ARL9: variants seen among roughly 807,000 people sequenced by gnomAD.
ARL9 encodes ARF like GTPase 9, also known as ADP-ribosylation factor-like protein 9.
ARL9 carries 14 observed loss-of-function variants against 27.0 expected under a neutral mutation model. The ratio of observed to expected loss-of-function variants is 0.52; its 90% CI spans 0.34 to 0.81. The LOEUF (loss-of-function observed/expected upper bound fraction) is 0.81. ARL9 is among the 30% of genes least tolerant of loss of function. The pLI is 0.01. For synonymous variants in ARL9, 106 were observed against 108.7 expected (o/e 0.98, Z 0.15); for missense variants, 294 against 290.0 (o/e 1.01, Z -0.10).
At chr4:56,516,771 A>T (rs1721778919) in intron 2 of ARL9, among the ~76,000 whole-genome samples, 1 of 152,002 alleles carries the variant, frequency 6.6e-6, no homozygotes, top group Non-Finnish European at 1.5e-5. Context: ...CTCTACAGAA[A>T]ATACAAAATT....
At chr4:56,506,987 A>T (rs908926075) in intron 1 of ARL9, among the ~76,000 whole-genome samples, 3 of 152,010 alleles carry the variant, frequency 2.0e-5, no homozygotes, top group Non-Finnish European at 4.4e-5. Flanking sequence ...GCAGAGCTGG[A>T]GTTTCGCCAT....
chr4:56,518,519 C>T (rs1721826650), intron 2 of ARL9, among the ~76,000 whole-genome samples, 159 bp from the exon 3 acceptor site: 1 of 152,150 alleles, frequency 6.6e-6, no homozygotes, highest in Admixed American at 6.6e-5. Flanking sequence ...GCTAACATGC[C>T]TCTGGTCACT....
At chr4:56,520,737 A>T (rs982540008) in intron 3 of ARL9, among the ~76,000 whole-genome samples, 1 of 152,210 alleles carries the variant, frequency 6.6e-6, no homozygotes, top group Non-Finnish European at 1.5e-5. Flanking sequence ...TCCCTTTCTC[A>T]ATTGTTAGGT....
chr4:56,510,486 A>G (rs1022843419), intron 1 of ARL9, among the ~76,000 whole-genome samples: 1 of 152,290 alleles, frequency 6.6e-6, no homozygotes, highest in Admixed American at 6.5e-5. Flanking sequence ...CACAGTCAAT[A>G]CATGCACCAC....
intron 3 of ARL9, among the ~76,000 whole-genome samples, chr4:56,522,054 C>T (rs147804135): frequency 5.4e-5 from 8 of 149,092 alleles, no homozygotes; most frequent in African/African-American, 1.5e-4. Flanking sequence ...GGTGTGATCT[C>T]GGCTCACTGC....
intron 3 of ARL9, among the ~76,000 whole-genome samples, chr4:56,521,268 G>A (rs1198675276): frequency 2.0e-5 from 3 of 151,656 alleles, no homozygotes; most frequent in Non-Finnish European, 4.4e-5. Flanking sequence ...TTTAAGTGGA[G>A]CATCTTAAGT....
chr4:56,510,382 G>A (rs930922207), intron 1 of ARL9, among the ~76,000 whole-genome samples: 6 of 149,340 alleles, frequency 4.0e-5, no homozygotes, highest in Non-Finnish European at 7.4e-5. Flanking sequence ...GTATAAGAGG[G>A]AAACCTTGCC....
At chr4:56,521,134 C>T (rs1002362855) in intron 3 of ARL9, among the ~76,000 whole-genome samples, 1 of 151,722 alleles carries the variant, frequency 6.6e-6, no homozygotes, top group South Asian at 2.1e-4. Context: ...TCACTTGAAC[C>T]CGGGAGGTGG....
intron 2 of ARL9, 90 bp from the exon 3 acceptor site, chr4:56,518,588 C>A: frequency 8.7e-7 from 1 of 1,152,276 alleles, no homozygotes; most frequent in Admixed American, 2.1e-5. Context: ...GTCCTGTGTT[C>A]AGAAATCTAG....
upstream of ARL9, chr4:56,505,736 C>A: frequency 1.4e-6 from 2 of 1,390,182 alleles, no homozygotes; most frequent in Non-Finnish European, 1.9e-6. Flanking sequence ...GCAGCGCCCG[C>A]GGGTTGTCTA....
At position 56,508,535 on chromosome 4, in the gene ARL9, C is replaced by T. The variant is rs140959738; in HGVS notation, c.279+2394C>T. On this transcript the variant is annotated intron_variant, in intron 1 of 3. Coordinates refer to ENST00000640821, the MANE Select transcript of ARL9 (RefSeq NM_001363794.2). ...CCCAGTAGCTGGGATTACTGGCATT[C>T]GCCACCACGCCCGGCTAATTTTGTA... Among the ~76,000 whole-genome samples, 619 of 152,180 alleles carry T rather than the reference C, an allele frequency of 4.1e-3. 10 individuals are homozygous for T. Among genetic ancestry groups the T allele is most frequent in the Non-Finnish European group, 1.6e-3 (112 of 68,002 alleles).
At position 56,511,355 on chromosome 4, in the gene ARL9, C is replaced by G. The variant is rs1174763538; in HGVS notation, c.442+8C>G. The G allele has an allele frequency of 3.7e-6, 6 of 1,609,366 alleles. No individual in the cohort carries two copies. Among genetic ancestry groups the G allele is most frequent in the Non-Finnish European group, 4.2e-6 (5 of 1,177,582 alleles). Reference sequence around the variant, plus strand: ...AGATGGAGTTCCTGGAGAGTAAGCTCTCTGTTCCTTAGTTATAAGATAGCC... The same window carrying G: ...AGATGGAGTTCCTGGAGAGTAAGCTGTCTGTTCCTTAGTTATAAGATAGCC... On this transcript the variant is annotated splice_region_variant and intron_variant, in intron 2 of 3. Transcript: ENST00000640821.
At chr4:56,506,743 G>C (rs1721472513) in intron 1 of ARL9, 1 of 915,590 alleles carries the variant, frequency 1.1e-6, no homozygotes, top group Non-Finnish European at 1.3e-6. Flanking sequence ...CCTTGGCTTA[G>C]AGCTGCGCTC....
chr4:56,517,621 G>C (rs1278909795), intron 2 of ARL9, among the ~76,000 whole-genome samples: 1 of 152,118 alleles, frequency 6.6e-6, no homozygotes, highest in South Asian at 2.1e-4. Flanking sequence ...TACCTAGCGA[G>C]CTGTACAAAA....
chr4:56,519,116 T>A (rs765903101), intron 3 of ARL9, among the ~76,000 whole-genome samples: 15 of 152,294 alleles, frequency 9.8e-5, no homozygotes, highest in Non-Finnish European at 1.6e-4. Context: ...ATTGTTAAAT[T>A]TGATTCAACA....
Position 56,523,726 on chromosome 4 carries a change from T to C in ARL9, c.648T>C (p.Asp216=). 1 of 1,613,888 alleles carries C rather than the reference T, an allele frequency of 6.2e-7. No homozygotes were observed. The highest frequency in any genetic ancestry group is 8.5e-7 in the Non-Finnish European group (1 of 1,179,832). The change falls in exon 4 of 4, where the codon GAT becomes GAC. Residue 216 remains aspartate, a synonymous_variant. Transcript: ENST00000640821. ...TTGAAGCAGCCTATCACATTACAGA[T>C]ATCCATGAAGCTTTGGCATTATCTG... ...QDLEAAYHIT[D]IHEALALSEV... is the part of the protein sequence containing the mutation.
intron 2 of ARL9, among the ~76,000 whole-genome samples, chr4:56,512,415 CT>C (rs1721662746): frequency 6.6e-6 from 1 of 152,124 alleles, no homozygotes; most frequent in Admixed American, 6.5e-5. Flanking sequence ...TCCTTCTCTC[CT>C]TTTAAAAGAG....
At position 56,522,883 on chromosome 4, in the gene ARL9, T is replaced by C. The variant is rs183735460; in HGVS notation, c.619-814T>C. Among the ~76,000 whole-genome samples the C allele has an allele frequency of 2.6e-5, 4 of 152,350 alleles. No individual in the cohort carries two copies. In the East Asian group the frequency reaches 7.7e-4, roughly 29 times the overall value. On this transcript the variant is annotated intron_variant, in intron 3 of 3. Transcript: ENST00000640821. ...TCTGTTCCCTCTCCATTCTCTTCTC[T>C]GTCTTCCTCTACTCCCCAAAATTGG...
chr4:56,518,875 A>G lies in ARL9; in HGVS notation c.618+22A>G, dbSNP rs375047057. On this transcript the variant is annotated intron_variant, in intron 3 of 3. Transcript: ENST00000640821. ...ACAGGTAAAAATCTGTGCAAATATA[A>G]ATTGTACTCAAGAGTTTTGTAATAC... 1.0e-5 allele frequency: 16 copies of G among 1,603,074 alleles called. No individual in the cohort carries two copies. The African/African-American group carries it at 1.6e-4, about 16-fold the overall frequency.
Sources: gnomAD v4.1 joint callset for allele counts (sites outside exome capture counted in the v4.1 genomes callset) on GRCh38, gnomAD v4.1.1 for gene constraint, MANE v1.5 for transcripts, NCBI Gene and HGNC (gene_info 2026-07-23, HGNC 2026-07-21) for gene names.